The following CTNNA2 variants were observed in gnomAD, a reference collection of about 807,000 sequenced individuals.
CTNNA2 encodes catenin alpha 2.
In CTNNA2, 42 loss-of-function variants were observed where a neutral mutation model predicts 101.0. That is an observed-to-expected ratio of 0.42 (90% confidence interval 0.32 to 0.54). CTNNA2 has a LOEUF of 0.54. CTNNA2 is among the 20% of genes least tolerant of loss of function. The pLI is 0.14. For synonymous variants in CTNNA2, 450 were observed against 456.4 expected (o/e 0.99, Z 0.18); for missense variants, 871 against 1,223.1 (o/e 0.71, Z 4.29).
chr2:80,255,474 A>G (rs1340642871), intron 7 of CTNNA2, among the ~76,000 whole-genome samples: 4 of 152,098 alleles, frequency 2.6e-5, no homozygotes, highest in Non-Finnish European at 4.4e-5. Context: ...TCAGTCCCAT[A>G]TTTATATTTT....
At chr2:79,518,446 C>T (rs4146914) in intron 1 of CTNNA2, among the ~76,000 whole-genome samples, 2,718 of 152,302 alleles carry the variant, frequency 0.018, 65 homozygotes, top group African/African-American at 0.053. Flanking sequence ...TGTTCATATT[C>T]TGCAAGTTGA....
At chr2:80,436,466 C>T (rs969072415) in intron 9 of CTNNA2, among the ~76,000 whole-genome samples, 26 of 127,306 alleles carry the variant, frequency 2.0e-4, no homozygotes, top group African/African-American at 5.9e-4. Flanking sequence ...GAAACAACAA[C>T]GGGGGTTTGG....
At chr2:79,478,316 G>A (rs1671074258) in intron 4 of CTNNA2, among the ~76,000 whole-genome samples, 1 of 152,170 alleles carries the variant, frequency 6.6e-6, no homozygotes, top group African/African-American at 2.4e-5. Context: ...GAATGCAAAT[G>A]GAAGTGATGA....
chr2:80,567,213 CCTT>C (rs1485674016), intron 12 of CTNNA2, among the ~76,000 whole-genome samples: 7 of 151,382 alleles, frequency 4.6e-5, no homozygotes, highest in Non-Finnish European at 1.0e-4. Context: ...TACTTAAAGA[CCTT>C]CTATTAATTT....
chr2:79,356,736 A>G (rs967953905), intron 3 of CTNNA2, among the ~76,000 whole-genome samples: 1 of 152,224 alleles, frequency 6.6e-6, no homozygotes, highest in Non-Finnish European at 1.5e-5. Context: ...AGAACAATAT[A>G]GTGAGCTTTT....
At chr2:79,772,675 C>T (rs6754710) in intron 3 of CTNNA2, among the ~76,000 whole-genome samples, 4,729 of 152,124 alleles carry the variant, frequency 0.031, 225 homozygotes, top group African/African-American at 0.11. Context: ...TGAGCTCAAG[C>T]GGTTCTCCTG....
chr2:79,304,906 T>C, intron 2 of CTNNA2, among the ~76,000 whole-genome samples: 1 of 152,210 alleles, frequency 6.6e-6, no homozygotes, highest in South Asian at 2.1e-4. Context: ...GAATACCAAC[T>C]GATCTTATCC....
chr2:80,077,481 T>C (rs1432803053), intron 7 of CTNNA2, among the ~76,000 whole-genome samples: 1 of 151,536 alleles, frequency 6.6e-6, no homozygotes, highest in Non-Finnish European at 1.5e-5. Context: ...AGGCGTGGTG[T>C]CCCACACCTT....
At chr2:80,521,122 G>A (rs72823725) in intron 9 of CTNNA2, among the ~76,000 whole-genome samples, 670 of 152,278 alleles carry the variant, frequency 4.4e-3, no homozygotes, top group Non-Finnish European at 8.1e-3. Context: ...TGCTGGGGCC[G>A]CGTCCCTGTG....
chr2:80,098,435 G>T (rs757726307), intron 7 of CTNNA2, among the ~76,000 whole-genome samples: 1 of 152,214 alleles, frequency 6.6e-6, no homozygotes, highest in Non-Finnish European at 1.5e-5. Context: ...TTGCCTCCCA[G>T]TTAGGCTACT....
chr2:80,394,580 A>G lies in CTNNA2; in HGVS notation c.1137+1289A>G, dbSNP rs146106626. 1.1e-4 allele frequency among the ~76,000 whole-genome samples: 17 copies of G among 152,274 alleles called. No homozygotes were observed. The East Asian group carries it at 3.3e-3, about 29-fold the overall frequency. ...CTTTGTTCTCTTAGATCATCTCTAC[A>G]TATCCCCATTTGATATGAAATGATA... On this transcript the variant is annotated intron_variant, in intron 8 of 18. Transcript: ENST00000402739.
At chr2:80,462,310 T>G (rs1279360173) in intron 9 of CTNNA2, among the ~76,000 whole-genome samples, 1 of 152,200 alleles carries the variant, frequency 6.6e-6, no homozygotes, top group Non-Finnish European at 1.5e-5. Flanking sequence ...ACTTCTGGCT[T>G]CAAATTTATT....
chr2:80,397,467 G>A (rs1002004761), intron 8 of CTNNA2, among the ~76,000 whole-genome samples: 2 of 152,144 alleles, frequency 1.3e-5, no homozygotes, highest in African/African-American at 4.8e-5. Context: ...TCATGGGAGG[G>A]ACCTGGAAGG....
At position 80,641,282 on chromosome 2, in the gene CTNNA2, A is replaced by G. The variant is rs576836147; in HGVS notation, c.2575-6303A>G. ...TAGCCAGCGGTCCCATGACATTTGC[A>G]TTATTTTTAATCCAATGACAGATTG... On this transcript the variant is annotated intron_variant, in intron 18 of 18. Transcript: ENST00000402739. Among the ~76,000 whole-genome samples the G allele has an allele frequency of 6.6e-5, 10 of 152,268 alleles. No individual in the cohort carries two copies. The East Asian group carries it at 9.6e-4, about 15-fold the overall frequency.
chr2:79,235,760 T>C (rs1674547943), intron 2 of CTNNA2, among the ~76,000 whole-genome samples: 1 of 152,168 alleles, frequency 6.6e-6, no homozygotes, highest in Non-Finnish European at 1.5e-5. Flanking sequence ...TAATCTGCTG[T>C]CCGGATGCTT....
At chr2:80,365,669 C>T (rs1306752370) in intron 7 of CTNNA2, among the ~76,000 whole-genome samples, 1 of 151,786 alleles carries the variant, frequency 6.6e-6, no homozygotes. Context: ...AAAAAAGATG[C>T]TCTCTAAATA....
intron 11 of CTNNA2, among the ~76,000 whole-genome samples, chr2:80,555,207 CAT>C (rs1446515966): frequency 2.6e-5 from 4 of 152,150 alleles, no homozygotes; most frequent in Admixed American, 6.5e-5. Flanking sequence ...ATTAAAGAAA[CAT>C]GTGTCCAAAG....
chr2:79,990,412 T>C (rs6710012), intron 7 of CTNNA2, among the ~76,000 whole-genome samples: 7,242 of 152,102 alleles, frequency 0.048, 531 homozygotes, highest in African/African-American at 0.16. Context: ...TCACAGATAT[T>C]AGAGAAAGTG....
intron 6 of CTNNA2, among the ~76,000 whole-genome samples, chr2:79,909,248 A>C (rs1411992949): frequency 6.6e-6 from 1 of 152,220 alleles, no homozygotes; most frequent in Non-Finnish European, 1.5e-5. Flanking sequence ...ATCTTTATAT[A>C]ATTCCCCAAA....
Sources: allele counts gnomAD v4.1 joint callset (sites outside exome capture counted in the v4.1 genomes callset), GRCh38; gene constraint gnomAD v4.1.1; transcripts MANE v1.5; gene names NCBI Gene and HGNC (gene_info 2026-07-23, HGNC 2026-07-21).